The following EML1 variants were observed in gnomAD, a reference collection of about 807,000 sequenced individuals.
The protein encoded by EML1 is EMAP like 1.
A neutral mutation model predicts 110.4 loss-of-function variants in EML1; 27 were observed. The ratio of observed to expected loss-of-function variants is 0.24; its 90% CI spans 0.18 to 0.34. The LOEUF is 0.34. EML1 is among the 10% of genes least tolerant of loss of function. EML1 has a pLI of 1.00. For missense variants in EML1, 741 were observed against 1,030.9 expected (o/e 0.72, Z 3.85); for synonymous variants, 344 against 385.8 (o/e 0.89, Z 1.27).
At chr14:99,880,863 G>A (rs1038886799) in intron 4 of EML1, among the ~76,000 whole-genome samples, 7 of 152,194 alleles carry the variant, frequency 4.6e-5, no homozygotes, top group African/African-American at 1.2e-4. Context: ...GTAGGGCTTG[G>A]CACTCAGTAA....
At chr14:99,880,738 A>T (rs1419303212) in intron 4 of EML1, among the ~76,000 whole-genome samples, 2 of 152,240 alleles carry the variant, frequency 1.3e-5, no homozygotes, top group African/African-American at 2.4e-5. Flanking sequence ...CTGGGTGTGT[A>T]TCCAGTTCTG....
chr14:99,857,711 A>C (rs1331509756), intron 2 of EML1, among the ~76,000 whole-genome samples: 1 of 152,162 alleles, frequency 6.6e-6, no homozygotes, highest in Admixed American at 6.5e-5. Context: ...CCCACTTAGC[A>C]TACTTGTTTT....
intron 17 of EML1, among the ~76,000 whole-genome samples, chr14:99,935,781 C>CAAAAAAAAAAAAAAAAAAAAAA (rs1160100015): frequency 1.2e-5 from 1 of 83,710 alleles, no homozygotes; most frequent in African/African-American, 4.9e-5. Context: ...GACTCCGTCT[C>CAAAAAAAAAAAAAAAAAAAAAA]AAAAAAAAAA....
chr14:99,814,422 C>T (rs1457870520), intron 1 of EML1, among the ~76,000 whole-genome samples: 2 of 152,002 alleles, frequency 1.3e-5, no homozygotes, highest in African/African-American at 4.8e-5. Flanking sequence ...CCACCAAGTC[C>T]AGATAATTTT....
chr14:99,927,791 T>TGG (rs1223740048), intron 17 of EML1, among the ~76,000 whole-genome samples: 1 of 46,644 alleles, frequency 2.1e-5, no homozygotes, highest in Non-Finnish European at 3.9e-5. Flanking sequence ...GTGGTGGTGG[T>TGG]ATTGGTGGTG....
intron 13 of EML1, among the ~76,000 whole-genome samples, chr14:99,913,428 C>T (rs1033804388): frequency 3.9e-5 from 6 of 152,178 alleles, no homozygotes; most frequent in East Asian, 3.9e-4. Flanking sequence ...CCACCTACCT[C>T]GGCCCCCCAA....
intron 1 of EML1, among the ~76,000 whole-genome samples, chr14:99,835,652 G>A (rs2058528762): frequency 6.6e-6 from 1 of 152,106 alleles, no homozygotes; most frequent in Non-Finnish European, 1.5e-5. Flanking sequence ...TTGATATGCT[G>A]TGTTTTTATG....
At chr14:99,844,813 A>G (rs949790046) in intron 1 of EML1, among the ~76,000 whole-genome samples, 4 of 152,206 alleles carry the variant, frequency 2.6e-5, no homozygotes, top group African/African-American at 9.6e-5. Flanking sequence ...TTCATTCAGT[A>G]TAATGCCTTT....
intron 1 of EML1, among the ~76,000 whole-genome samples, chr14:99,776,285 G>T (rs1566859583): frequency 6.6e-6 from 1 of 152,124 alleles, no homozygotes; most frequent in East Asian, 1.9e-4. Context: ...TGGATCACCT[G>T]AGGGGTCGGG....
At chr14:99,924,901 T>G (rs1382994640) in intron 17 of EML1, among the ~76,000 whole-genome samples, 1 of 152,230 alleles carries the variant, frequency 6.6e-6, no homozygotes, top group East Asian at 1.9e-4. Context: ...AATTTTCAGA[T>G]GTTGAACCAA....
chr14:99,892,084 C>T (rs1209709056), intron 5 of EML1: 1 of 964,906 alleles, frequency 1.0e-6, no homozygotes, highest in African/African-American at 1.8e-5. Context: ...GGGCTCCGGG[C>T]TCCGGGGCAG....
At position 99,909,456 on chromosome 14, in the gene EML1, A is replaced by C. The variant is rs2059910452; in HGVS notation, c.1216A>C (p.Asn406His). 6.2e-7 allele frequency: 1 copy of C among 1,614,170 alleles called. No individual in the cohort carries two copies. Among genetic ancestry groups the C allele is most frequent in the Non-Finnish European group, 8.5e-7 (1 of 1,180,034 alleles). The change falls in exon 11 of 22, where the codon AAT becomes CAT. Residue 406 changes from asparagine (N) to histidine (H), a missense_variant. By Grantham distance (68) the Asn-to-His change is moderately conservative (BLOSUM62 1). Transcript: ENST00000262233. Reference sequence around the variant, plus strand: ...TTGGACACTAGAAGGAAGCTCCCTTAATAAGAAGCAAGGATTATTCGAGGT... The same window carrying C: ...TTGGACACTAGAAGGAAGCTCCCTTCATAAGAAGCAAGGATTATTCGAGGT... ...YFWTLEGSSL[N>H]KKQGLFEKQE...
At chr14:99,857,564 G>A (rs1335572271) in intron 2 of EML1, among the ~76,000 whole-genome samples, 1 of 152,162 alleles carries the variant, frequency 6.6e-6, no homozygotes, top group Non-Finnish European at 1.5e-5. Flanking sequence ...CCTCACCCAT[G>A]AGCGGTCATT....
chr14:99,881,330 C>T (rs748612922), intron 4 of EML1, among the ~76,000 whole-genome samples: 74 of 152,344 alleles, frequency 4.9e-4, no homozygotes, highest in Non-Finnish European at 7.2e-4. Flanking sequence ...GCTTCTCACA[C>T]GCCATGTGCA....
chr14:99,739,117 A>AGTGTGTGTGT (rs1447642844), intron 1 of EML1, among the ~76,000 whole-genome samples: 2 of 64,194 alleles, frequency 3.1e-5, no homozygotes, highest in African/African-American at 9.4e-5. Context: ...AGAGAGAGAG[A>AGTGTGTGTGT]GAGTGTGTGT....
intron 1 of EML1, among the ~76,000 whole-genome samples, chr14:99,761,816 T>A (rs887953032): frequency 4.6e-5 from 7 of 151,164 alleles, no homozygotes; most frequent in African/African-American, 1.7e-4. Flanking sequence ...TCCCAGCTAA[T>A]CGGGAGGCTG....
At chr14:99,742,081 G>A (rs568993152) in intron 1 of EML1, among the ~76,000 whole-genome samples, 11 of 152,140 alleles carry the variant, frequency 7.2e-5, no homozygotes, top group African/African-American at 1.4e-4. Context: ...GCCAGCACAC[G>A]GCTCTGGACA....
chr14:99,796,229 A>AGAGG, intron 1 of EML1, among the ~76,000 whole-genome samples: 1 of 143,874 alleles, frequency 7.0e-6, no homozygotes, highest in South Asian at 2.3e-4. Flanking sequence ...AGAGAGAGAG[A>AGAGG]GAAGATAATG....
At chr14:99,847,590 T>C (rs146847088) in intron 1 of EML1, among the ~76,000 whole-genome samples, 50 of 152,326 alleles carry the variant, frequency 3.3e-4, no homozygotes, top group African/African-American at 1.1e-3. Flanking sequence ...TTAGTTGTTC[T>C]ATCAGTTGCT....
Sources: allele counts gnomAD v4.1 joint callset (sites outside exome capture counted in the v4.1 genomes callset), GRCh38; gene constraint gnomAD v4.1.1; transcripts MANE v1.5; gene names NCBI Gene and HGNC (gene_info 2026-07-23, HGNC 2026-07-21).